The following KDM4C variants were observed in gnomAD, a reference collection of about 807,000 sequenced individuals.
The protein encoded by KDM4C is lysine demethylase 4C.
In KDM4C, 81 loss-of-function variants were observed where a neutral mutation model predicts 129.3. That is an observed-to-expected ratio of 0.63 (90% CI 0.52 to 0.75). The LOEUF (loss-of-function observed/expected upper bound fraction) is 0.75, where lower values mean the gene tolerates loss of function less well. Ranked by LOEUF, KDM4C falls within the 30% of genes least tolerant of loss-of-function variation. The pLI is 0.00. For synonymous variants in KDM4C, 573 were observed against 456.1 expected (o/e 1.26, Z -3.26); for missense variants, 1,457 against 1,304.0 (o/e 1.12, Z -1.81).
chr9:6,938,008 G>A (rs766600899), intron 8 of KDM4C, among the ~76,000 whole-genome samples: 4 of 152,030 alleles, frequency 2.6e-5, no homozygotes, highest in African/African-American at 4.8e-5. Context: ...CACCGTGGCC[G>A]GCCAGAATAA....
At chr9:6,889,093 G>A (rs902195476) in intron 7 of KDM4C, among the ~76,000 whole-genome samples, 1 of 151,214 alleles carries the variant, frequency 6.6e-6, no homozygotes, top group Non-Finnish European at 1.5e-5. Context: ...CGGCCCTTCT[G>A]TGTTTTTTAT....
chr9:6,819,750 T>C (rs7026489), intron 4 of KDM4C, among the ~76,000 whole-genome samples: 67,904 of 152,012 alleles, frequency 0.45, 15,584 homozygotes, highest in East Asian at 0.61. Context: ...GTGTAATAAT[T>C]GCTTACTGTC....
intron 15 of KDM4C, among the ~76,000 whole-genome samples, chr9:7,027,335 G>A (rs1825972844): frequency 6.6e-6 from 1 of 152,240 alleles, no homozygotes; most frequent in Non-Finnish European, 1.5e-5. Flanking sequence ...TTGCAGACTT[G>A]CAGAGGTACT....
At chr9:6,911,935 G>C (rs16924931) in intron 8 of KDM4C, among the ~76,000 whole-genome samples, 11,266 of 152,190 alleles carry the variant, frequency 0.074, 698 homozygotes, top group East Asian at 0.2. Context: ...CCTTCTGCAG[G>C]GTTGCTCCCC....
chr9:6,986,520 C>G lies in KDM4C; in HGVS notation c.1531C>G (p.Pro511Ala). 6.2e-7 allele frequency: 1 copy of G among 1,614,096 alleles called. No individual in the cohort carries two copies. Among genetic ancestry groups the G allele is most frequent in the Admixed American group, 1.7e-5 (1 of 60,002 alleles). The stretch of plus-strand genomic sequence containing the variant: ...ATCCGAGCTTTCATGGCCAAAGTCA[C>G]CTGAGTCATGCTCATCAGTGGCAGA... The part of the protein sequence containing the change: ...DPSELSWPKS[P>A]ESCSSVAESN... The change falls in exon 11 of 22, where the codon CCT becomes GCT. Residue 511 changes from proline to alanine, a missense_variant. Transcript: ENST00000381309.
intron 5 of KDM4C, among the ~76,000 whole-genome samples, chr9:6,857,828 C>T (rs1355368040): frequency 6.7e-6 from 1 of 149,874 alleles, no homozygotes; most frequent in East Asian, 1.9e-4. Context: ...AATCTTGGCT[C>T]ACTGCAACCT....
At chr9:6,857,011 C>T (rs1839983428) in intron 5 of KDM4C, among the ~76,000 whole-genome samples, 1 of 152,132 alleles carries the variant, frequency 6.6e-6, no homozygotes, top group Admixed American at 6.5e-5. Context: ...TCCGCCTCGG[C>T]CTCCCATAAT....
rs34608889 is a variant in KDM4C at position 6,737,664 on chromosome 9, C to CAA, written c.49+16688_49+16689dup. On this transcript the variant is annotated intron_variant, in intron 1 of 17. Coordinates refer to the KDM4C transcript ENST00000536108. ...GGGGGACAAGAGTGAGACTTCATCT[C>CAA]AAAAAAAAAAAAAAAAAAAAAAGTG... 6.2e-3 allele frequency among the ~76,000 whole-genome samples: 292 copies of CAA among 46,772 alleles called. 6 individuals are homozygous for CAA. The highest frequency in any genetic ancestry group is 7.5e-3 in the Non-Finnish European group (185 of 24,524). 30.7% of individuals were successfully genotyped at this position (46,772 alleles called of 152,430 possible).
chr9:6,767,542 C>A (rs888453412), intron 1 of KDM4C, among the ~76,000 whole-genome samples: 1 of 152,070 alleles, frequency 6.6e-6, no homozygotes, highest in African/African-American at 2.4e-5. Context: ...TCAAGCGATT[C>A]TTCTGCCTCA....
intron 17 of KDM4C, among the ~76,000 whole-genome samples, chr9:7,071,415 A>T (rs1487867523): frequency 6.6e-6 from 1 of 152,202 alleles, no homozygotes; most frequent in African/African-American, 2.4e-5. Flanking sequence ...TACAATTAGC[A>T]AGTTAATGTG....
chr9:6,861,815 G>A lies in KDM4C; in HGVS notation c.629+12115G>A, dbSNP rs575702037. Among the ~76,000 whole-genome samples the A allele has an allele frequency of 6.1e-5, 9 of 147,318 alleles. No homozygotes were observed. The East Asian group carries it at 1.4e-3, about 23-fold the overall frequency. ...TCTCGAGATGGAGTCTTGCTCTGTT[G>A]CCCAGGCTGCAGTGCAATGGTGTGA... On this transcript the variant is annotated intron_variant, in intron 5 of 21. Coordinates refer to ENST00000381309, the MANE Select transcript of KDM4C (RefSeq NM_015061.6).
intron 1 of KDM4C, among the ~76,000 whole-genome samples, chr9:6,727,933 T>G (rs912836051): frequency 1.3e-5 from 2 of 151,732 alleles, no homozygotes; most frequent in Non-Finnish European, 2.9e-5. Flanking sequence ...CTGGCCATTT[T>G]GCCTTTCTGA....
chr9:7,125,767 T>A (rs979264975), intron 18 of KDM4C, among the ~76,000 whole-genome samples: 1 of 152,220 alleles, frequency 6.6e-6, no homozygotes, highest in African/African-American at 2.4e-5. Context: ...CATGTCAGGC[T>A]AATTTTGGTC....
In KDM4C at chr9:6,758,626, AC is replaced by A. The variant is rs1818763449; in HGVS notation, c.-18+426del. 6.6e-6 allele frequency among the ~76,000 whole-genome samples: 1 copy of A among 151,416 alleles called. No individual in the cohort carries two copies. On this transcript the variant is annotated intron_variant, in intron 1 of 21. Transcript: ENST00000381309. This position sits in a 1 kb window ranked among gnomAD's most constrained non-coding sequence, Gnocchi z 4.6. ...CCCTCCCTTCCCTGGGAGTGTCACG[AC>A]CCGCGGGGTGAGGGTGGGAGCTCCT...
Position 6,986,480 on chromosome 9 carries a change from C to G in KDM4C, c.1491C>G (p.Pro497=), listed in dbSNP as rs41306096. ...SIPLSSGYEK[P]EKSDPSELSW... is the part of the protein sequence containing the mutation. ...CATTGTCTAGTGGCTATGAGAAGCCCGAGAAATCAGACCCATCCGAGCTTT... is the reference window on the plus strand; with the variant it reads ...CATTGTCTAGTGGCTATGAGAAGCCGGAGAAATCAGACCCATCCGAGCTTT... The change falls in exon 11 of 22, where the codon CCC becomes CCG. Residue 497 remains proline, a synonymous_variant. Transcript: ENST00000381309. The G allele has an allele frequency of 5.6e-6, 9 of 1,613,988 alleles. No individual in the cohort carries two copies. The highest frequency in any genetic ancestry group is 1.1e-5 in the South Asian group (1 of 91,068).
intron 12 of KDM4C, 29 bp from the exon 13 acceptor site, chr9:7,011,669 C>T: frequency 1.3e-6 from 2 of 1,596,354 alleles, no homozygotes; most frequent in Admixed American, 1.7e-5. Context: ...TTCCCATGCT[C>T]ATGGTATTTT....
chr9:6,803,075 C>A (rs947261802), intron 2 of KDM4C, among the ~76,000 whole-genome samples: 1 of 152,046 alleles, frequency 6.6e-6, no homozygotes, highest in Non-Finnish European at 1.5e-5. Context: ...CCATAAACAC[C>A]GTAATTGTGG....
rs146056422 is a variant in KDM4C at position 7,113,969 on chromosome 9, T to C, written c.2610+10099T>C. Among the ~76,000 whole-genome samples, 104 of 152,294 alleles carry C rather than the reference T, an allele frequency of 6.8e-4. 1 individual carries two copies. In the East Asian group the frequency reaches 0.019, roughly 27 times the overall value. Reference sequence around the variant, plus strand: ...CACTTAGAACCATGCTGAAGTCCCGTTGAGAGACTTACCCATATCTTAAAG... The same window carrying C: ...CACTTAGAACCATGCTGAAGTCCCGCTGAGAGACTTACCCATATCTTAAAG... On this transcript the variant is annotated intron_variant, in intron 18 of 21. Coordinates refer to ENST00000381309, the MANE Select transcript of KDM4C (RefSeq NM_015061.6).
intron 18 of KDM4C, among the ~76,000 whole-genome samples, chr9:7,112,370 A>G (rs1015912037): frequency 6.6e-6 from 1 of 152,060 alleles, no homozygotes; most frequent in Non-Finnish European, 1.5e-5. Context: ...GAAGGGATTG[A>G]TTAGAGACAG....
Sources: gnomAD v4.1 joint callset for allele counts (sites outside exome capture counted in the v4.1 genomes callset) on GRCh38, gnomAD v4.1.1 for gene constraint, Gnocchi (gnomAD v3.1) non-coding constraint, MANE v1.5 for transcripts, NCBI Gene and HGNC (gene_info 2026-07-23, HGNC 2026-07-21) for gene names.